Variants in VAV1 observed in about 807,000 individuals in gnomAD.
The protein encoded by VAV1 is vav guanine nucleotide exchange factor 1.
Under a neutral mutation model 128.1 loss-of-function variants are expected in VAV1, and 33 were observed. The ratio of observed to expected loss-of-function variants is 0.26; its 90% CI spans 0.20 to 0.34. VAV1 has a LOEUF of 0.34. VAV1 is among the 10% of genes least tolerant of loss of function. VAV1 has a pLI of 1.00. For missense variants in VAV1, 715 were observed against 1,093.7 expected, an observed-to-expected ratio of 0.65 and a Z score of 4.88; for synonymous variants, 394 against 409.8, an observed-to-expected ratio of 0.96 and a Z score of 0.47.
intron 1 of VAV1, 84 bp downstream of exon 1, chr19:6,773,095 T>C (rs569436559): frequency 3.2e-6 from 5 of 1,539,372 alleles, no homozygotes; most frequent in African/African-American, 2.7e-5. Flanking sequence ...GACGTGCTGC[T>C]CCACCTCTGG....
At chr19:6,811,555 G>C (rs993773992) in intron 1 of VAV1, among the ~76,000 whole-genome samples, 1 of 152,132 alleles carries the variant, frequency 6.6e-6, no homozygotes, top group African/African-American at 2.4e-5. Context: ...ATTGGGGAAG[G>C]TTTCCTGGAA....
At chr19:6,782,262 G>A (rs481623) in intron 1 of VAV1, among the ~76,000 whole-genome samples, 32,941 of 151,694 alleles carry the variant, frequency 0.22, 3,688 homozygotes, top group African/African-American at 0.25. Flanking sequence ...CCCAGGAGGC[G>A]GAGGTTGTAG....
chr19:6,833,500 T>C (rs1972140709), intron 16 of VAV1, 28 bp from the exon 17 acceptor site: 1 of 1,566,934 alleles, frequency 6.4e-7, no homozygotes, highest in Non-Finnish European at 8.6e-7. Flanking sequence ...GGTCACTCGC[T>C]CTTCTTTATG....
chr19:6,784,103 A>T, intron 1 of VAV1: 1 of 424,868 alleles, frequency 2.4e-6, no homozygotes. Context: ...AAAATAAAAA[A>T]ATAAGCCCGG....
chr19:6,793,796 C>A (rs1568288068), intron 1 of VAV1, among the ~76,000 whole-genome samples: 1 of 152,080 alleles, frequency 6.6e-6, no homozygotes, highest in Admixed American at 6.6e-5. Flanking sequence ...TCACACAGAA[C>A]CTCTCTGTGA....
chr19:6,848,849 AGTG>A (rs1972592426), intron 23 of VAV1, among the ~76,000 whole-genome samples: 1 of 150,818 alleles, frequency 6.6e-6, no homozygotes, highest in South Asian at 2.1e-4. Flanking sequence ...GCTGGAGTGC[AGTG>A]GTGAGATCTT....
chr19:6,811,313 A>G lies in VAV1; in HGVS notation c.205-9389A>G, dbSNP rs561835183. Reference sequence around the variant, plus strand: ...GGCCTCCCATAGTGCTGGGATTATAAGCATCAGCCTCCACACCCAGCCTCA... The same window carrying G: ...GGCCTCCCATAGTGCTGGGATTATAGGCATCAGCCTCCACACCCAGCCTCA... On this transcript the variant is annotated intron_variant, in intron 1 of 26. Transcript: ENST00000602142. Among the ~76,000 whole-genome samples, 7 of 152,224 alleles carry G rather than the reference A, an allele frequency of 4.6e-5. No individual in the cohort carries two copies. The East Asian group carries it at 1.4e-3, about 29-fold the overall frequency.
intron 15 of VAV1, among the ~76,000 whole-genome samples, chr19:6,832,611 C>A (rs1349773579): frequency 1.6e-5 from 2 of 128,218 alleles, no homozygotes; most frequent in South Asian, 2.6e-4. Flanking sequence ...CCTCCTATTC[C>A]TCCTCCACCT....
intron 1 of VAV1, among the ~76,000 whole-genome samples, chr19:6,775,043 G>C (rs1039252840): frequency 4.0e-5 from 6 of 151,864 alleles, no homozygotes; most frequent in Admixed American, 3.3e-4. Context: ...TGGGATTACA[G>C]GCATGAGCCA....
intron 23 of VAV1, among the ~76,000 whole-genome samples, chr19:6,848,961 T>C (rs996831953): frequency 5.9e-5 from 9 of 151,948 alleles, no homozygotes; most frequent in African/African-American, 2.2e-4. Context: ...ATCCAGCTAA[T>C]GTTTATATTT....
At chr19:6,853,172 C>T (rs568664971) in intron 25 of VAV1, 93 bp downstream of exon 25, 5 of 1,056,034 alleles carry the variant, frequency 4.7e-6, no homozygotes, top group East Asian at 2.7e-5. Flanking sequence ...TTCCAATGGC[C>T]TTGCAGAGGT....
At chr19:6,814,566 T>C (rs1971579829) in intron 1 of VAV1, among the ~76,000 whole-genome samples, 1 of 152,018 alleles carries the variant, frequency 6.6e-6, no homozygotes. Context: ...CTATATATTC[T>C]TTGGGAATTT....
At chr19:6,851,861 G>T (rs915061495) in intron 24 of VAV1, among the ~76,000 whole-genome samples, 4 of 152,024 alleles carry the variant, frequency 2.6e-5, no homozygotes, top group African/African-American at 9.7e-5. Flanking sequence ...ATGGATCCTT[G>T]ACTCCCCCAA....
At chr19:6,849,387 C>CA (rs1444094146) in intron 23 of VAV1, among the ~76,000 whole-genome samples, 1 of 142,602 alleles carries the variant, frequency 7.0e-6, no homozygotes. Context: ...CTCCCAGGTT[C>CA]AAGCGAGTCT....
chr19:6,783,520 G>A (rs931101712), intron 1 of VAV1, among the ~76,000 whole-genome samples: 3 of 142,074 alleles, frequency 2.1e-5, no homozygotes, highest in Admixed American at 7.4e-5. Flanking sequence ...TTTCCTCCAG[G>A]CTGGAGTGCA....
At chr19:6,776,454 A>C (rs1160474415) in intron 1 of VAV1, among the ~76,000 whole-genome samples, 4 of 142,336 alleles carry the variant, frequency 2.8e-5, no homozygotes. Flanking sequence ...CCACCCACCC[A>C]TCCACCCACC....
At chr19:6,833,364 T>C in intron 16 of VAV1, 79 bp downstream of exon 16, 1 of 1,470,970 alleles carries the variant, frequency 6.8e-7, no homozygotes, top group Non-Finnish European at 9.3e-7. Flanking sequence ...TAGTAATTGG[T>C]TCCCTAAATT....
At chr19:6,782,608 A>G (rs909914715) in intron 1 of VAV1, among the ~76,000 whole-genome samples, 2 of 152,140 alleles carry the variant, frequency 1.3e-5, no homozygotes, top group African/African-American at 2.4e-5. Context: ...GCCAGGCACA[A>G]TGGCTCACGC....
At position 6,821,857 on chromosome 19, in the gene VAV1, C is replaced by G; in HGVS notation, c.447C>G (p.Ile149Met). ...TCTACAGTGGCCTGTCCGACCAGAT[C>G]GAGTGAGTGCTCAGGCCTGTGGCCG... ...EDIYSGLSDQ[I>M]DDTVEEDEDL... The change falls in exon 4 of 27, where the codon ATC (isoleucine) becomes ATG (methionine). Residue 149 changes from isoleucine (I) to methionine (M), a missense_variant and splice_region_variant. Ile to Met is a conservative substitution (Grantham distance 10). Around this residue, in one of 3 missense-constraint regions of VAV1, gnomAD observed 302 missense variants for 477.8 expected, o/e 0.63. Transcript: ENST00000602142. 2 of 1,614,134 alleles carry G rather than the reference C, an allele frequency of 1.2e-6. No individual in the cohort carries two copies. The highest frequency in any genetic ancestry group is 1.7e-6 in the Non-Finnish European group (2 of 1,179,998).
Sources: gnomAD v4.1 joint callset for allele counts (sites outside exome capture counted in the v4.1 genomes callset) on GRCh38, gnomAD v4.1.1 for gene constraint, gnomAD v4.1.1 regional missense constraint, MANE v1.5 for transcripts, NCBI Gene and HGNC (gene_info 2026-07-23, HGNC 2026-07-21) for gene names.